Variants in GRM8 observed in about 807,000 individuals in gnomAD.
GRM8 encodes metabotropic glutamate receptor 8.
GRM8 carries 47 observed loss-of-function variants against 87.2 expected under a neutral mutation model. The observed-to-expected ratio is 0.54, with a 90% CI of 0.43 to 0.69. GRM8 has a LOEUF of 0.69. Among genes scored for constraint, GRM8 ranks in the 30% least tolerant of loss-of-function variants. The pLI is 0.00. For missense variants in GRM8, 1,019 were observed against 1,139.2 expected (o/e 0.89, Z 1.52); for synonymous variants, 396 against 404.5 (o/e 0.98, Z 0.25).
intron 2 of GRM8, among the ~76,000 whole-genome samples, chr7:127,207,893 T>C (rs1021713675): frequency 6.6e-6 from 1 of 152,140 alleles, no homozygotes; most frequent in African/African-American, 2.4e-5. Context: ...CCCTCCACAC[T>C]TAAAGAGTAA....
intron 3 of GRM8, among the ~76,000 whole-genome samples, chr7:127,023,342 A>C (rs891899210): frequency 1.3e-5 from 2 of 152,068 alleles, no homozygotes; most frequent in East Asian, 3.9e-4. Context: ...AATGTTCTTT[A>C]TTCATCCATT....
chr7:127,013,212 G>A (rs1050015926), intron 3 of GRM8, among the ~76,000 whole-genome samples: 3 of 152,198 alleles, frequency 2.0e-5, no homozygotes, highest in African/African-American at 7.2e-5. Flanking sequence ...ACAGGCTGGA[G>A]CAGAGAGGCG....
At chr7:126,692,337 G>C (rs1808914652) in intron 7 of GRM8, among the ~76,000 whole-genome samples, 1 of 152,168 alleles carries the variant, frequency 6.6e-6, no homozygotes. Flanking sequence ...CAGATATGCT[G>C]ACTTGCTATA....
intron 9 of GRM8, among the ~76,000 whole-genome samples, chr7:126,467,728 C>A (rs1423393368): frequency 1.3e-5 from 2 of 151,980 alleles, no homozygotes; most frequent in East Asian, 3.9e-4. Context: ...CAGCAAAGGG[C>A]AGAAAAAATT....
intron 3 of GRM8, among the ~76,000 whole-genome samples, chr7:126,984,818 C>A (rs1263343784): frequency 2.0e-5 from 3 of 152,052 alleles, no homozygotes; most frequent in Non-Finnish European, 2.9e-5. Context: ...GAAAAGATAA[C>A]CCTAAAATTG....
intron 3 of GRM8, among the ~76,000 whole-genome samples, chr7:127,033,008 C>CTT (rs1455476092): frequency 5.2e-5 from 4 of 76,196 alleles, no homozygotes; most frequent in Admixed American, 3.0e-4. Context: ...CCTTTCGTTT[C>CTT]CTTTTTTTTT....
At chr7:126,881,504 CAG>C (rs1207595404) in intron 6 of GRM8, among the ~76,000 whole-genome samples, 1 of 152,292 alleles carries the variant, frequency 6.6e-6, no homozygotes, top group African/African-American at 2.4e-5. Context: ...ACACAGAGAG[CAG>C]AGAGTCCCAG....
At chr7:126,559,185 C>T (rs1028435928) in intron 8 of GRM8, among the ~76,000 whole-genome samples, 4 of 137,222 alleles carry the variant, frequency 2.9e-5, no homozygotes, top group Admixed American at 2.3e-4. Context: ...CAGACCTTTG[C>T]TCTACGGCCC....
intron 6 of GRM8, among the ~76,000 whole-genome samples, chr7:126,845,498 A>G (rs1413691715): frequency 1.2e-4 from 18 of 152,156 alleles, no homozygotes; most frequent in Non-Finnish European, 2.1e-4. Context: ...CCATCTCACA[A>G]TCTGCACAGA....
At chr7:127,052,582 T>C (rs1352309514) in intron 3 of GRM8, among the ~76,000 whole-genome samples, 1 of 152,198 alleles carries the variant, frequency 6.6e-6, no homozygotes, top group Non-Finnish European at 1.5e-5. Context: ...AAGCAACCTT[T>C]CCTTGAAGGA....
chr7:127,122,821 A>C lies in GRM8; in HGVS notation c.511-16109T>G, dbSNP rs138937991. On this transcript the variant is annotated intron_variant, in intron 2 of 10. Coordinates refer to ENST00000339582, the MANE Select transcript of GRM8 (RefSeq NM_000845.3). The stretch of plus-strand genomic sequence containing the variant: ...AATACTGAGATAAAAAAAATTCAAC[A>C]CGTCACCAAAAGACTTTTTGGGAGA... Among the ~76,000 whole-genome samples, 11 of 152,300 alleles carry C rather than the reference A, an allele frequency of 7.2e-5. No homozygotes were observed. The East Asian group carries it at 2.1e-3, about 29-fold the overall frequency.
intron 7 of GRM8, among the ~76,000 whole-genome samples, chr7:126,703,700 C>T (rs1810188016): frequency 6.6e-6 from 1 of 152,150 alleles, no homozygotes; most frequent in South Asian, 2.1e-4. Flanking sequence ...TCTAGGACTA[C>T]AGGTGTGCTC....
intron 8 of GRM8, among the ~76,000 whole-genome samples, chr7:126,581,666 C>T (rs1332973165): frequency 2.0e-5 from 3 of 151,976 alleles, no homozygotes; most frequent in Non-Finnish European, 4.4e-5. Flanking sequence ...TGTTTTTTTG[C>T]AAGTTGAATG....
chr7:126,688,668 A>T (rs1032262286), intron 7 of GRM8, among the ~76,000 whole-genome samples: 2 of 152,020 alleles, frequency 1.3e-5, no homozygotes, highest in African/African-American at 4.8e-5. Context: ...ATAACATACC[A>T]GCTTTAGAGT....
chr7:126,670,569 C>A (rs1340516234), intron 7 of GRM8, among the ~76,000 whole-genome samples: 2 of 152,108 alleles, frequency 1.3e-5, no homozygotes, highest in African/African-American at 4.8e-5. Context: ...TTGTTTTAAT[C>A]CTTTCAAAAG....
intron 3 of GRM8, among the ~76,000 whole-genome samples, chr7:127,095,432 G>C (rs2023641): frequency 0.18 from 26,646 of 152,136 alleles, 2,503 homozygotes; most frequent in Middle Eastern, 0.25. Flanking sequence ...GTCAGGTAAA[G>C]CCACACACTG....
chr7:127,249,058 C>T (rs368013848), intron 1 of GRM8, among the ~76,000 whole-genome samples: 32 of 152,336 alleles, frequency 2.1e-4, no homozygotes, highest in African/African-American at 6.7e-4. Flanking sequence ...AATGCTTCTA[C>T]CGCTGGGTCA....
chr7:127,083,481 C>A (rs11982266), intron 3 of GRM8, among the ~76,000 whole-genome samples: 13,471 of 152,096 alleles, frequency 0.089, 1,993 homozygotes, highest in African/African-American at 0.3. Flanking sequence ...TCTCTCCATT[C>A]ATCTTTCAGC....
intron 3 of GRM8, among the ~76,000 whole-genome samples, chr7:127,102,989 A>C (rs2133047053): frequency 6.6e-6 from 1 of 152,298 alleles, no homozygotes; most frequent in Admixed American, 6.5e-5. Context: ...CAGCCTCCCA[A>C]GTAGCTGGGA....
Sources: gnomAD v4.1 joint callset for allele counts (sites outside exome capture counted in the v4.1 genomes callset) on GRCh38, gnomAD v4.1.1 for gene constraint, MANE v1.5 for transcripts, NCBI Gene and HGNC (gene_info 2026-07-23, HGNC 2026-07-21) for gene names.